FLT3: variants seen among roughly 807,000 people sequenced by gnomAD.
The protein encoded by FLT3 is fms related receptor tyrosine kinase 3.
In FLT3, 46 loss-of-function variants were observed where a neutral mutation model predicts 126.6. The ratio of observed to expected loss-of-function variants is 0.36; its 90% CI spans 0.29 to 0.46. FLT3 has a LOEUF of 0.46. Among genes scored for constraint, FLT3 ranks in the 20% least tolerant of loss-of-function variants. The pLI is 1.00. For synonymous variants in FLT3, 404 were observed against 434.4 expected (o/e 0.93, Z 0.87); for missense variants, 1,069 against 1,190.3 (o/e 0.90, Z 1.50).
chr13:28,080,694 G>C (rs902173674), intron 1 of FLT3, among the ~76,000 whole-genome samples: 4 of 152,066 alleles, frequency 2.6e-5, no homozygotes, highest in African/African-American at 9.7e-5. Flanking sequence ...TATGGATCAT[G>C]CTTTTGGCTT....
intron 1 of FLT3, among the ~76,000 whole-genome samples, chr13:28,078,177 T>C (rs762087723): frequency 2.4e-4 from 37 of 152,298 alleles, no homozygotes; most frequent in Non-Finnish European, 4.4e-4. Context: ...ACAGCTCCAG[T>C]AGGCAGTGCT....
At chr13:28,023,590 C>T (rs1330563212) in intron 18 of FLT3, 113 bp from the exon 19 acceptor site, 42 of 1,138,264 alleles carry the variant, frequency 3.7e-5, no homozygotes, top group Non-Finnish European at 5.1e-5. Flanking sequence ...AGACATGAAG[C>T]TATCGCATTA....
intron 23 of FLT3, among the ~76,000 whole-genome samples, chr13:28,006,056 C>T (rs951203410): frequency 1.3e-5 from 2 of 152,046 alleles, no homozygotes; most frequent in Admixed American, 1.3e-4. Context: ...GCCAAGAGTT[C>T]AAGACCAAAC....
intron 15 of FLT3, among the ~76,000 whole-genome samples, chr13:28,032,902 G>A (rs1408701329): frequency 6.6e-6 from 1 of 152,210 alleles, no homozygotes; most frequent in Non-Finnish European, 1.5e-5. Flanking sequence ...GTTGACCTTA[G>A]CAAGAGAGCC....
chr13:28,032,584 T>C (rs1173898505), intron 15 of FLT3, among the ~76,000 whole-genome samples: 5 of 152,100 alleles, frequency 3.3e-5, no homozygotes, highest in African/African-American at 1.2e-4. Context: ...CACTCCAGCC[T>C]GGGCAACAGA....
intron 11 of FLT3, 126 bp downstream of exon 11, chr13:28,035,809 G>A: frequency 8.3e-7 from 1 of 1,203,000 alleles, no homozygotes; most frequent in Non-Finnish European, 1.2e-6. Flanking sequence ...TGAGAGTTAT[G>A]GTTGATTGAG....
intron 15 of FLT3, among the ~76,000 whole-genome samples, chr13:28,029,209 G>A (rs529644598): frequency 6.6e-6 from 1 of 152,318 alleles, no homozygotes; most frequent in East Asian, 1.9e-4. Context: ...TGGCCAACAT[G>A]GTGAAACCCT....
chr13:28,029,932 GC>G (rs1354396280), intron 15 of FLT3, among the ~76,000 whole-genome samples: 1 of 152,198 alleles, frequency 6.6e-6, no homozygotes, highest in Non-Finnish European at 1.5e-5. Context: ...TCCCGTCATT[GC>G]GGCTCATGTG....
rs1445015775 is a variant in FLT3 at position 28,052,308 on chromosome 13, C to A, written c.614+237G>T. ...ATGGGGTTTCACCATGTTGGCCAGGCTGGTCTCAAACTCCTGACCTCAAGT... is the reference window on the plus strand; with the variant it reads ...ATGGGGTTTCACCATGTTGGCCAGGATGGTCTCAAACTCCTGACCTCAAGT... On this transcript the variant is annotated intron_variant, in intron 5 of 23. Transcript: ENST00000241453. Among the ~76,000 whole-genome samples the A allele has an allele frequency of 4.4e-3, 666 of 151,008 alleles. 6 individuals carry two copies. The highest frequency in any genetic ancestry group is 0.015 in the African/African-American group (619 of 40,450).
intron 1 of FLT3, among the ~76,000 whole-genome samples, chr13:28,078,506 T>A (rs969468714): frequency 1.9e-4 from 29 of 152,172 alleles, no homozygotes; most frequent in Non-Finnish European, 1.3e-4. Flanking sequence ...CTTGGCTGCA[T>A]ACAGCATGGG....
chr13:28,042,167 T>TAAA (rs1874443613), intron 9 of FLT3, among the ~76,000 whole-genome samples: 1 of 135,328 alleles, frequency 7.4e-6, no homozygotes, highest in Non-Finnish European at 1.6e-5. Flanking sequence ...ATAATAATAA[T>TAAA]AATAATAATA....
At chr13:28,087,251 G>A (rs182423066) in intron 1 of FLT3, among the ~76,000 whole-genome samples, 4 of 151,636 alleles carry the variant, frequency 2.6e-5, no homozygotes, top group South Asian at 4.2e-4. Flanking sequence ...TTTATTTTTC[G>A]TAGAGACAGT....
At chr13:28,073,485 T>A (rs139131185) in intron 1 of FLT3, 23 of 290,456 alleles carry the variant, frequency 7.9e-5, no homozygotes, top group African/African-American at 4.7e-4. Flanking sequence ...GAACTTTTCC[T>A]GCTCCACTCT....
At chr13:28,028,468 G>C (rs560571905) in intron 15 of FLT3, among the ~76,000 whole-genome samples, 180 bp from the exon 16 acceptor site, 2 of 152,220 alleles carry the variant, frequency 1.3e-5, no homozygotes, top group African/African-American at 4.8e-5. Flanking sequence ...AGGCCGAGGT[G>C]GGTGGATCAC....
chr13:28,036,134 G>T (rs1455093952), intron 10 of FLT3, 91 bp from the exon 11 acceptor site: 36 of 1,048,258 alleles, frequency 3.4e-5, no homozygotes, highest in Non-Finnish European at 4.9e-5. Flanking sequence ...AAGGTGGGAG[G>T]ATCACTTGGG....
chr13:28,067,887 T>C (rs1451389868), intron 2 of FLT3: 1 of 396,190 alleles, frequency 2.5e-6, no homozygotes, highest in Non-Finnish European at 5.0e-6. Context: ...ACATGGCAAA[T>C]AAAGAAAATA....
rs187863935 is a variant in FLT3 at position 28,071,149 on chromosome 13, C to T, written c.44-537G>A. Among the ~76,000 whole-genome samples, 13 of 150,450 alleles carry T rather than the reference C, an allele frequency of 8.6e-5. No individual in the cohort carries two copies. In the East Asian group the frequency reaches 2.5e-3, roughly 29 times the overall value. The stretch of plus-strand genomic sequence containing the variant: ...GGCTGGGATTACAGGTGCCCGTCAC[C>T]GTGCCTGGCTAATTTTCTTTCTTTT... On this transcript the variant is annotated intron_variant, in intron 1 of 23. Transcript: ENST00000241453.
chr13:28,094,865 G>A (rs1879357898), intron 1 of FLT3, among the ~76,000 whole-genome samples: 1 of 152,258 alleles, frequency 6.6e-6, no homozygotes, highest in Middle Eastern at 3.4e-3. Flanking sequence ...AATTGCGTGA[G>A]TCAAATTAGT....
intron 15 of FLT3, among the ~76,000 whole-genome samples, chr13:28,030,143 G>A (rs1456649094): frequency 6.6e-6 from 1 of 152,192 alleles, no homozygotes; most frequent in Non-Finnish European, 1.5e-5. Context: ...CCTTTATAGT[G>A]GCTTCTCCGG....
Sources: gnomAD v4.1 joint callset for allele counts (sites outside exome capture counted in the v4.1 genomes callset) on GRCh38, gnomAD v4.1.1 for gene constraint, MANE v1.5 for transcripts, NCBI Gene and HGNC (gene_info 2026-07-23, HGNC 2026-07-21) for gene names.